The following GSAP variants were observed in gnomAD, a reference collection of about 807,000 sequenced individuals.
GSAP encodes gamma-secretase-activating protein.
In GSAP, 118 loss-of-function variants were observed where a neutral mutation model predicts 131.7. That is an observed-to-expected ratio of 0.90 (90% CI 0.77 to 1.04). GSAP has a LOEUF of 1.04. Ranked by LOEUF, GSAP falls within the 50% of genes least tolerant of loss-of-function variation. GSAP has a pLI of 0.00. For missense variants in GSAP, 1,019 were observed against 1,013.2 expected (o/e 1.01, Z -0.08); for synonymous variants, 381 against 363.4 (o/e 1.05, Z -0.55).
intron 2 of GSAP, among the ~76,000 whole-genome samples, chr7:77,404,862 G>A (rs1438514584): frequency 2.0e-5 from 3 of 152,160 alleles, no homozygotes; most frequent in Admixed American, 6.5e-5. Flanking sequence ...CATGGTGGGC[G>A]TAAATCTTTT....
At chr7:77,384,284 T>C (rs1450555869) in intron 6 of GSAP, among the ~76,000 whole-genome samples, 1 of 152,190 alleles carries the variant, frequency 6.6e-6, no homozygotes, top group Non-Finnish European at 1.5e-5. Flanking sequence ...GAGGTGTAAC[T>C]GCCAACCTCT....
intron 18 of GSAP, chr7:77,351,629 T>C (rs1792877550): frequency 8.1e-6 from 8 of 985,546 alleles, no homozygotes; most frequent in African/African-American, 1.7e-5. Context: ...TATATCGCTC[T>C]TCTTGGACTT....
At chr7:77,333,450 T>C (rs1246276855) in intron 19 of GSAP, among the ~76,000 whole-genome samples, 1 of 152,132 alleles carries the variant, frequency 6.6e-6, no homozygotes, top group African/African-American at 2.4e-5. Flanking sequence ...TGGAACCACC[T>C]GGGTCCCATC....
intron 12 of GSAP, among the ~76,000 whole-genome samples, chr7:77,370,506 C>G (rs889504458): frequency 3.9e-5 from 6 of 152,016 alleles, no homozygotes; most frequent in African/African-American, 9.7e-5. Flanking sequence ...CAGGGAAGAA[C>G]CCACCCTGCT....
chr7:77,381,922 C>T (rs184080106), intron 7 of GSAP, among the ~76,000 whole-genome samples: 3 of 151,126 alleles, frequency 2.0e-5, no homozygotes, highest in African/African-American at 7.3e-5. Flanking sequence ...GTCCTAGTTA[C>T]AAAACTGAGC....
At chr7:77,406,301 A>G (rs191486661) in intron 1 of GSAP, among the ~76,000 whole-genome samples, 196 bp from the exon 2 acceptor site, 28 of 152,346 alleles carry the variant, frequency 1.8e-4, no homozygotes, top group African/African-American at 6.7e-4. Context: ...AGCCATAGTC[A>G]TTGAGAGGTA....
chr7:77,414,353 C>G (rs1446014382), intron 1 of GSAP, among the ~76,000 whole-genome samples: 2 of 152,190 alleles, frequency 1.3e-5, no homozygotes, highest in African/African-American at 4.8e-5. Context: ...CCTGCCACTG[C>G]TATAAATTAC....
chr7:77,361,925 T>A (rs1011764085), intron 13 of GSAP, among the ~76,000 whole-genome samples: 5 of 152,208 alleles, frequency 3.3e-5, no homozygotes, highest in African/African-American at 4.8e-5. Context: ...TGGATGCTTT[T>A]AACTGAAACC....
chr7:77,385,774 G>C (rs1243580964), intron 6 of GSAP, among the ~76,000 whole-genome samples: 2 of 152,200 alleles, frequency 1.3e-5, no homozygotes, highest in Non-Finnish European at 2.9e-5. Flanking sequence ...GGAAGAGAGA[G>C]ACAACCCTCT....
chr7:77,393,300 T>C (rs1473921964), intron 5 of GSAP, among the ~76,000 whole-genome samples: 1 of 152,294 alleles, frequency 6.6e-6, no homozygotes, highest in East Asian at 1.9e-4. Context: ...TAATAAATCC[T>C]ATAGTGCTTT....
At chr7:77,320,292 G>A (rs745905032) in intron 26 of GSAP, among the ~76,000 whole-genome samples, 4 of 152,144 alleles carry the variant, frequency 2.6e-5, no homozygotes. Context: ...TTTGTGGCCT[G>A]ACTTGATCCT....
chr7:77,389,882 T>C (rs1034330061), intron 5 of GSAP, among the ~76,000 whole-genome samples: 9 of 152,236 alleles, frequency 5.9e-5, no homozygotes, highest in Non-Finnish European at 1.2e-4. Flanking sequence ...ATGGTTGAAC[T>C]AGTTTACAGT....
intron 8 of GSAP, among the ~76,000 whole-genome samples, chr7:77,378,263 C>T (rs778313308): frequency 2.0e-5 from 3 of 152,028 alleles, no homozygotes; most frequent in Non-Finnish European, 2.9e-5. Context: ...AGGTGGATTA[C>T]CTGAGGTCAG....
chr7:77,392,753 T>C (rs532846880), intron 5 of GSAP, among the ~76,000 whole-genome samples: 71 of 152,292 alleles, frequency 4.7e-4, no homozygotes, highest in African/African-American at 1.7e-3. Context: ...GAGTTCAATA[T>C]GGCCTGGTTC....
intron 19 of GSAP, among the ~76,000 whole-genome samples, chr7:77,332,691 A>G (rs1490691533): frequency 6.6e-6 from 1 of 152,238 alleles, no homozygotes; most frequent in African/African-American, 2.4e-5. Flanking sequence ...TTTACACTTA[A>G]GTAAGAAATA....
intron 5 of GSAP, among the ~76,000 whole-genome samples, chr7:77,392,022 C>T (rs1418139220): frequency 1.3e-5 from 2 of 151,654 alleles, no homozygotes; most frequent in Non-Finnish European, 2.9e-5. Flanking sequence ...GTCAGGAGTT[C>T]GAGACCAGCC....
At position 77,328,778 on chromosome 7, in the gene GSAP, A is replaced by G. The variant is rs934372199; in HGVS notation, c.1734-141T>C. On this transcript the variant is annotated intron_variant, in intron 21 of 30. Transcript: ENST00000257626. Reference sequence around the variant, plus strand: ...TCTCAAGCTGCTGAAAACCTCAAAAACTTTGATCAATGTAGTGAAAGCCAC... The same window carrying G: ...TCTCAAGCTGCTGAAAACCTCAAAAGCTTTGATCAATGTAGTGAAAGCCAC... The G allele has an allele frequency of 6.7e-5, 41 of 612,816 alleles. No homozygotes were observed. In the Admixed American group the frequency reaches 1.2e-3, roughly 18 times the overall value. 38.0% of individuals were successfully genotyped at this position (612,816 alleles called of 1,614,324 possible).
At chr7:77,343,050 A>G (rs1791250316) in intron 19 of GSAP, among the ~76,000 whole-genome samples, 1 of 152,122 alleles carries the variant, frequency 6.6e-6, no homozygotes, top group African/African-American at 2.4e-5. Context: ...TTTTCATTAC[A>G]CACAGCCAAA....
Position 77,332,567 on chromosome 7 carries a change from C to A in GSAP, c.1546-2200G>T, listed in dbSNP as rs1340559848. On this transcript the variant is annotated intron_variant, in intron 19 of 30. Transcript: ENST00000257626. ...TAGAGCATGTGTTTGTATGAGCGCT[C>A]TTCTGGGTAGATGGTCTATAGCTTG... Among the ~76,000 whole-genome samples, 4 of 152,124 alleles carry A rather than the reference C, an allele frequency of 2.6e-5. No individual in the cohort carries two copies. In the South Asian group the frequency reaches 8.3e-4, roughly 32 times the overall value.
Sources: gnomAD v4.1 joint callset for allele counts (sites outside exome capture counted in the v4.1 genomes callset) on GRCh38, gnomAD v4.1.1 for gene constraint, MANE v1.5 for transcripts, NCBI Gene and HGNC (gene_info 2026-07-23, HGNC 2026-07-21) for gene names.